Variants in EIF4E1B observed in about 807,000 individuals in gnomAD.
The protein encoded by EIF4E1B is eukaryotic translation initiation factor 4E family member 1B.
In EIF4E1B, 22 loss-of-function variants were observed where a neutral mutation model predicts 31.3. That is an observed-to-expected ratio of 0.70 (90% confidence interval 0.50 to 1.00). The LOEUF is 1.00. Ranked by LOEUF, EIF4E1B falls within the 50% of genes least tolerant of loss-of-function variation. The pLI is 0.00. For synonymous variants in EIF4E1B, 126 were observed against 120.2 expected (o/e 1.05, Z -0.31); for missense variants, 290 against 311.6 (o/e 0.93, Z 0.52).
At chr5:176,643,509 G>T in intron 4 of EIF4E1B, 130 bp from the exon 5 acceptor site, 1 of 931,834 alleles carries the variant, frequency 1.1e-6, no homozygotes, top group Non-Finnish European at 1.7e-6. Context: ...CCTGAGAGGG[G>T]AATGCTGTGC....
At position 176,638,220 on chromosome 5, in the gene EIF4E1B, C is replaced by T. The variant is rs576094580; in HGVS notation, c.-201-3823C>T. Among the ~76,000 whole-genome samples the T allele has an allele frequency of 3.3e-5, 5 of 152,222 alleles. No homozygotes were observed. In the South Asian group the frequency reaches 6.2e-4, roughly 19 times the overall value. On this transcript the variant is annotated intron_variant, in intron 1 of 8. Transcript: ENST00000318682. This position sits in a 1 kb window ranked among gnomAD's most constrained non-coding sequence, Gnocchi z 4.3. ...ATATGCTCTTCTGGATTTCTGGTGG[C>T]GGCTAAGCATGTCACTCTCTAAATG... is the stretch of plus-strand genomic sequence containing the variant.
Position 176,645,391 on chromosome 5 carries a change from C to G in EIF4E1B, c.489C>G (p.Ile163Met), listed in dbSNP as rs770398185. The G allele has an allele frequency of 1.3e-6, 2 of 1,528,674 alleles. No homozygotes were observed. Among genetic ancestry groups the G allele is most frequent in the South Asian group, 2.6e-5 (2 of 77,672 alleles). The allele number at this position is 1,528,674 out of a possible 1,614,324, so 94.7% of individuals were successfully genotyped here. A position where few individuals can be genotyped will look rare whatever the true frequency, so the allele number is the denominator to read the frequency against. The change falls in exon 8 of 9, where the codon ATC becomes ATG. Residue 163 changes from isoleucine (I) to methionine (M), a missense_variant. Coordinates refer to ENST00000318682, the MANE Select transcript of EIF4E1B (RefSeq NM_001099408.2). This position sits in a 1 kb window ranked among gnomAD's most constrained non-coding sequence, Gnocchi z 5.4. ...RLWLETLLCLIGESFEEHSRE... is the reference protein window; with the variant it reads ...RLWLETLLCLMGESFEEHSRE... ...TTCGGGTCCAGCTGCTGTGTCTGATCGGGGAGAGCTTTGAGGAACACAGCA... is the reference window on the plus strand; with the variant it reads ...TTCGGGTCCAGCTGCTGTGTCTGATGGGGGAGAGCTTTGAGGAACACAGCA...
intron 1 of EIF4E1B, among the ~76,000 whole-genome samples, chr5:176,637,051 T>C (rs1384732020): frequency 1.3e-5 from 2 of 152,218 alleles, no homozygotes; most frequent in African/African-American, 4.8e-5. Context: ...CTTTGCTAAA[T>C]CTATTGACCA....
chr5:176,638,169 G>C lies in EIF4E1B; in HGVS notation c.-201-3874G>C, dbSNP rs773140705. Among the ~76,000 whole-genome samples, 7 of 152,182 alleles carry C rather than the reference G, an allele frequency of 4.6e-5. No individual in the cohort carries two copies. Among genetic ancestry groups the C allele is most frequent in the Non-Finnish European group, 7.3e-5 (5 of 68,034 alleles). On this transcript the variant is annotated intron_variant, in intron 1 of 8. Coordinates refer to ENST00000318682, the MANE Select transcript of EIF4E1B (RefSeq NM_001099408.2). The surrounding 1 kb of genome is among the most constrained non-coding windows in gnomAD (Gnocchi z 4.3). ...CTCTGAGATGCATAGTAGATACCCA[G>C]ATGGAGCTGTCGGGCGGGCAGTTGG...
At chr5:176,639,092 C>T (rs1760538072) in intron 1 of EIF4E1B, among the ~76,000 whole-genome samples, 1 of 152,210 alleles carries the variant, frequency 6.6e-6, no homozygotes, top group African/African-American at 2.4e-5. Context: ...TGAGCCACCA[C>T]AGCTGGCCTG....
chr5:176,639,302 G>A (rs1301274382), intron 1 of EIF4E1B, among the ~76,000 whole-genome samples: 1 of 152,160 alleles, frequency 6.6e-6, no homozygotes, highest in Non-Finnish European at 1.5e-5. Context: ...GATATTTTAG[G>A]AACAGGATGG....
Position 176,643,748 on chromosome 5 carries a change from C to T in EIF4E1B, c.296+14C>T. 3 of 1,607,186 alleles carry T rather than the reference C, an allele frequency of 1.9e-6. No homozygotes were observed. Among genetic ancestry groups the T allele is most frequent in the Non-Finnish European group, 1.7e-6 (2 of 1,176,740 alleles). On this transcript the variant is annotated intron_variant, in intron 5 of 8. Transcript: ENST00000318682. ...GGACTTCTGGGCGTGAGTGTCTGTC[C>T]CCAGTGGGGCTAGAGTTGGGGGGCT...
intron 1 of EIF4E1B, among the ~76,000 whole-genome samples, chr5:176,633,773 T>G (rs1195696498): frequency 6.6e-6 from 1 of 151,988 alleles, no homozygotes; most frequent in African/African-American, 2.4e-5. Flanking sequence ...GAAGATGAAA[T>G]GAAGCGTGTC....
At chr5:176,644,915 A>G (rs1760663806) in intron 6 of EIF4E1B, among the ~76,000 whole-genome samples, 1 of 152,138 alleles carries the variant, frequency 6.6e-6, no homozygotes, top group Non-Finnish European at 1.5e-5. Flanking sequence ...TAAAAGAGAC[A>G]TGCACATATA....
intron 3 of EIF4E1B, 68 bp downstream of exon 3, chr5:176,642,870 C>CCCCCCCCCCGGGGGGGGGGGG: frequency 1.4e-6 from 2 of 1,426,048 alleles, no homozygotes; most frequent in South Asian, 1.3e-5. Context: ...CCCCCCGCCC[C>CCCCCCCCCCGGGGGGGGGGGG]AGGTGGGCGG....
At position 176,643,105 on chromosome 5, in the gene EIF4E1B, C is replaced by G. The variant is rs114992074; in HGVS notation, c.39C>G (p.Ile13Met). Residue 13 changes from isoleucine to methionine, a missense_variant, in exon 4 of 9, where the codon ATC becomes ATG. Coordinates refer to ENST00000318682, the MANE Select transcript of EIF4E1B (RefSeq NM_001099408.2). The part of the protein sequence containing the change: ...AVEVSEAEGG[I>M]REWEEEEKEE... The stretch of plus-strand genomic sequence containing the variant: ...AGGTGAGTGAAGCTGAGGGTGGAAT[C>G]CGAGAGTGGGAGGAGGAGGAGAAGG... 6.2e-7 allele frequency: 1 copy of G among 1,612,910 alleles called. No individual in the cohort carries two copies. Among genetic ancestry groups the G allele is most frequent in the South Asian group, 1.1e-5 (1 of 90,920 alleles).
chr5:176,640,776 T>A (rs1581185606), intron 1 of EIF4E1B, among the ~76,000 whole-genome samples: 2 of 152,318 alleles, frequency 1.3e-5, no homozygotes, highest in African/African-American at 4.8e-5. Flanking sequence ...CCCATTTCTT[T>A]CCCCTTTTAG....
At chr5:176,643,824 T>C (rs1760642247) in intron 5 of EIF4E1B, 90 bp downstream of exon 5, 1 of 1,378,762 alleles carries the variant, frequency 7.3e-7, no homozygotes. Flanking sequence ...CCCTAGGGCC[T>C]TTCAGCCTTT....
rs9885305 is a variant in EIF4E1B, at chr5:176,644,054, C to T, written c.296+320C>T. ...GGGAGGACTCGGCTGCCTCAGTGTCCGGGTGCTCACGGGAGTGGCTCTGAA... is the reference window on the plus strand; with the variant it reads ...GGGAGGACTCGGCTGCCTCAGTGTCTGGGTGCTCACGGGAGTGGCTCTGAA... On this transcript the variant is annotated intron_variant, in intron 5 of 8. Coordinates refer to ENST00000318682, the MANE Select transcript of EIF4E1B (RefSeq NM_001099408.2). 5.8e-3 allele frequency: 3,194 copies of T among 553,506 alleles called. 79 individuals carry two copies. Among genetic ancestry groups the T allele is most frequent in the African/African-American group, 0.051 (2,714 of 53,214 alleles). The allele number at this position is 553,506 out of a possible 1,614,324, so 34.3% of individuals were successfully genotyped here. A position where few individuals can be genotyped will look rare whatever the true frequency, so the allele number is the denominator to read the frequency against.
intron 1 of EIF4E1B, among the ~76,000 whole-genome samples, chr5:176,631,617 A>G (rs1254466202): frequency 6.6e-6 from 1 of 151,328 alleles, no homozygotes; most frequent in Non-Finnish European, 1.5e-5. Flanking sequence ...GTGACAGGTA[A>G]TTAGGCGAGG....
At chr5:176,635,527 A>T (rs1760479098) in intron 1 of EIF4E1B, among the ~76,000 whole-genome samples, 1 of 152,206 alleles carries the variant, frequency 6.6e-6, no homozygotes, top group South Asian at 2.1e-4. Flanking sequence ...TTAAATTCTG[A>T]GTCAGGCAGG....
At chr5:176,636,594 G>T (rs1223267406) in intron 1 of EIF4E1B, among the ~76,000 whole-genome samples, 2 of 152,196 alleles carry the variant, frequency 1.3e-5, no homozygotes, top group Non-Finnish European at 2.9e-5. Flanking sequence ...GTGGCGCCTG[G>T]CAGATTAAAC....
chr5:176,643,784 G>A (rs772168290), intron 5 of EIF4E1B, 50 bp downstream of exon 5: 4 of 1,561,876 alleles, frequency 2.6e-6, no homozygotes, highest in Middle Eastern at 1.7e-4. Context: ...CTGAGCTCTG[G>A]GCTCCCTCTC....
chr5:176,642,847 C>CCA, intron 3 of EIF4E1B, 45 bp downstream of exon 3: 3 of 1,366,038 alleles, frequency 2.2e-6, no homozygotes, highest in African/African-American at 4.0e-5. Context: ...ATGGCCCCGC[C>CCA]CTCTCCCCCC....
Sources: gnomAD v4.1 joint callset for allele counts (sites outside exome capture counted in the v4.1 genomes callset) on GRCh38, gnomAD v4.1.1 for gene constraint, Gnocchi (gnomAD v3.1) non-coding constraint, MANE v1.5 for transcripts, NCBI Gene and HGNC (gene_info 2026-07-23, HGNC 2026-07-21) for gene names.